FAM240C: variants seen among roughly 807,000 people sequenced by gnomAD.
FAM240C encodes the protein family with sequence similarity 240 member C.
FAM240C carries 14 observed loss-of-function variants against 10.0 expected under a neutral mutation model. The ratio of observed to expected loss-of-function variants is 1.40; its 90% CI spans 0.92 to 2.19. The LOEUF (loss-of-function observed/expected upper bound fraction) is 2.19, where lower values mean the gene tolerates loss of function less well. Ranked by LOEUF, FAM240C falls within the 30% of genes most tolerant of loss-of-function variation. FAM240C has a pLI of 0.00. For synonymous variants in FAM240C, 49 were observed against 44.3 expected, an observed-to-expected ratio of 1.11 and a Z score of -0.42; for missense variants, 154 against 122.3, an observed-to-expected ratio of 1.26 and a Z score of -1.22.
At position 241,900,407 on chromosome 2, in the gene FAM240C, G is replaced by A. The variant is rs1446062616; in HGVS notation, c.-38C>T. The A allele has an allele frequency of 2.8e-6, 2 of 717,010 alleles. No homozygotes were observed. The highest frequency in any genetic ancestry group is 2.0e-5 in the Admixed American group (1 of 49,994). The allele number at this position is 717,010 out of a possible 1,614,324, so 44.4% of individuals were successfully genotyped here. ...GGCAGGTTTTCCTGTCTCTGTTGAG[G>A]GTCCTCAGCCTGTCCTCTCCGGGGT... is the stretch of plus-strand genomic sequence containing the variant. On this transcript the variant is annotated 5_prime_UTR_variant, in exon 1 of 3. Coordinates refer to ENST00000404031, the MANE Select transcript of FAM240C (RefSeq NM_001382368.1). The surrounding 1 kb of genome is among the most constrained non-coding windows in gnomAD (Gnocchi z 4.5).
At chr2:241,899,546 G>A (rs775400505) in intron 1 of FAM240C, among the ~76,000 whole-genome samples, 2 of 152,212 alleles carry the variant, frequency 1.3e-5, no homozygotes, top group Admixed American at 6.5e-5. Context: ...CTGGGCAGAC[G>A]CCTCCCGGAG....
intron 1 of FAM240C, among the ~76,000 whole-genome samples, chr2:241,898,903 T>C (rs1018510349): frequency 6.6e-6 from 1 of 152,190 alleles, no homozygotes; most frequent in Non-Finnish European, 1.5e-5. Flanking sequence ...TCGGGGCCTA[T>C]GGGGTGGGCA....
intron 2 of FAM240C, among the ~76,000 whole-genome samples, chr2:241,895,691 T>C (rs1044420878): frequency 1.3e-5 from 2 of 152,012 alleles, no homozygotes; most frequent in African/African-American, 4.8e-5. Context: ...GTTGTGCAAA[T>C]GGAGGCTCTG....
At chr2:241,901,078 G>T (rs762867903), upstream of FAM240C, among the ~76,000 whole-genome samples, 1 of 152,148 alleles carries the variant, frequency 6.6e-6, no homozygotes, top group Non-Finnish European at 1.5e-5. This position sits in a 1 kb window ranked among gnomAD's most constrained non-coding sequence, Gnocchi z 4.9. Flanking sequence ...GAGCAGGAGC[G>T]ATTCCTCCTT....
chr2:241,899,252 G>A, intron 1 of FAM240C: 2 of 1,296,822 alleles, frequency 1.5e-6, no homozygotes, highest in Non-Finnish European at 2.0e-6. Flanking sequence ...GGGCGCTGTG[G>A]CCTGCGCAGC....
At position 241,897,292 on chromosome 2, in the gene FAM240C, C is replaced by A; in HGVS notation, c.55G>T (p.Ala19Ser). The A allele has an allele frequency of 6.5e-7, 1 of 1,549,810 alleles. No individual in the cohort carries two copies. Among genetic ancestry groups the A allele is most frequent in the Non-Finnish European group, 8.7e-7 (1 of 1,146,514 alleles). The change falls in exon 2 of 3, where the codon GCA (alanine) becomes TCA (serine). Residue 19 changes from alanine to serine, a missense_variant. Physicochemically the swap from Ala to Ser is moderately conservative, Grantham distance 99 (BLOSUM62 1). Coordinates refer to ENST00000404031, the MANE Select transcript of FAM240C (RefSeq NM_001382368.1). ...SLTLKNPGRV[A>S]YDSGGIKMFW... ...ATCTTTATCCCGCCTGAATCGTATG[C>A]TACTCTTCCAGGATTCTTAAGAGTG...
At chr2:241,900,647 TC>T (rs1053210979), upstream of FAM240C, among the ~76,000 whole-genome samples, 1 of 152,126 alleles carries the variant, frequency 6.6e-6, no homozygotes, top group African/African-American at 2.4e-5. The surrounding 1 kb of genome is among the most constrained non-coding windows in gnomAD (Gnocchi z 4.5). Flanking sequence ...ACTGTTTTTT[TC>T]TTCTTTCGAC....
intron 2 of FAM240C, 135 bp downstream of exon 2, chr2:241,897,051 C>A: frequency 1.1e-6 from 1 of 923,818 alleles, no homozygotes; most frequent in Non-Finnish European, 1.6e-6. Context: ...CTTTCACAGG[C>A]CTGGAGCTGA....
intron 1 of FAM240C, chr2:241,899,391 A>C: frequency 1.0e-6 from 1 of 959,404 alleles, no homozygotes; most frequent in Non-Finnish European, 1.2e-6. Flanking sequence ...AAGGGACTGA[A>C]CTCAGCCACG....
At chr2:241,898,895 G>A (rs768225655) in intron 1 of FAM240C, among the ~76,000 whole-genome samples, 3 of 152,248 alleles carry the variant, frequency 2.0e-5, no homozygotes, top group African/African-American at 4.8e-5. Context: ...CCAGCTCCTC[G>A]GGGCCTATGG....
At chr2:241,895,428 G>A (rs543947082) in intron 2 of FAM240C, among the ~76,000 whole-genome samples, 2 of 152,348 alleles carry the variant, frequency 1.3e-5, no homozygotes, top group East Asian at 1.9e-4. Flanking sequence ...ACAGGGGACC[G>A]TGGGGTCCCG....
intron 2 of FAM240C, 63 bp from the exon 3 acceptor site, chr2:241,894,402 C>A: frequency 6.7e-7 from 1 of 1,499,138 alleles, no homozygotes; most frequent in Non-Finnish European, 8.9e-7. Context: ...GACGGCCAAG[C>A]CCGTGTCTCT....
chr2:241,896,903 G>A (rs1431328692), intron 2 of FAM240C, among the ~76,000 whole-genome samples: 2 of 151,626 alleles, frequency 1.3e-5, no homozygotes, highest in African/African-American at 4.9e-5. Flanking sequence ...GGGGTGTGGT[G>A]TTGCCTGGAT....
At chr2:241,898,544 TCAAA>T (rs66467284) in intron 1 of FAM240C, among the ~76,000 whole-genome samples, 44,185 of 151,342 alleles carry the variant, frequency 0.29, 6,995 homozygotes, top group East Asian at 0.62. Context: ...AGACTCCGTC[TCAAA>T]CAAACAAACA....
chr2:241,899,794 G>A (rs28522488), intron 1 of FAM240C, among the ~76,000 whole-genome samples: 8,073 of 152,292 alleles, frequency 0.053, 1,025 homozygotes, highest in East Asian at 0.48. Context: ...GCGGCCGGGC[G>A]CGGTGGCTCA....
At chr2:241,898,273 G>T (rs900710419) in intron 1 of FAM240C, among the ~76,000 whole-genome samples, 1 of 152,182 alleles carries the variant, frequency 6.6e-6, no homozygotes, top group African/African-American at 2.4e-5. Context: ...GTCCAAGGCC[G>T]GGCGTGGTGG....
intron 1 of FAM240C, chr2:241,899,146 C>T: frequency 7.7e-7 from 1 of 1,304,294 alleles, no homozygotes; most frequent in South Asian, 1.2e-5. Flanking sequence ...AGGGTGCCTT[C>T]TGGAGCTCGG....
chr2:241,894,378 T>C, intron 2 of FAM240C, 39 bp from the exon 3 acceptor site: 3 of 1,521,612 alleles, frequency 2.0e-6, no homozygotes, highest in Non-Finnish European at 2.7e-6. Context: ...TGAGTCAAGC[T>C]CTCGGAACTT....
chr2:241,897,468 G>A, intron 1 of FAM240C, 134 bp from the exon 2 acceptor site: 1 of 1,054,050 alleles, frequency 9.5e-7, no homozygotes, highest in South Asian at 1.6e-5. Context: ...CTGGTTCGTG[G>A]GGGATGGCGG....
Sources: allele counts gnomAD v4.1 joint callset (sites outside exome capture counted in the v4.1 genomes callset), GRCh38; gene constraint gnomAD v4.1.1; non-coding constraint Gnocchi (gnomAD v3.1); transcripts MANE v1.5; gene names NCBI Gene and HGNC (gene_info 2026-07-23, HGNC 2026-07-21).